MYO16: variants seen among roughly 807,000 people sequenced by gnomAD.
MYO16 encodes the protein myosin XVI.
Under a neutral mutation model 205.3 loss-of-function variants are expected in MYO16, and 94 were observed. That is an observed-to-expected ratio of 0.46 (90% CI 0.39 to 0.54). The LOEUF is 0.54. Ranked by LOEUF, MYO16 falls within the 20% of genes least tolerant of loss-of-function variation. The probability of loss-of-function intolerance (pLI) is 0.00; values close to 1 mark genes in which losing one functional copy is unlikely to be tolerated. For missense variants in MYO16, 2,315 were observed against 2,387.5 expected (o/e 0.97, Z 0.63); for synonymous variants, 988 against 954.0 (o/e 1.04, Z -0.66).
chr13:108,565,666 TTA>T, the MYO16 span, among the ~76,000 whole-genome samples: 1 of 152,202 alleles, frequency 6.6e-6, no homozygotes, highest in Non-Finnish European at 1.5e-5. Flanking sequence ...TTGATACGCT[TTA>T]TATCTTTTCT....
At chr13:108,936,445 A>G (rs181980438) in intron 16 of MYO16, among the ~76,000 whole-genome samples, 4 of 152,014 alleles carry the variant, frequency 2.6e-5, no homozygotes, top group Admixed American at 2.6e-4. Context: ...CCCTGATTCA[A>G]TGTTGGGTGA....
chr13:109,187,779 T>A (rs1879746299), intron 34 of MYO16, among the ~76,000 whole-genome samples: 1 of 152,234 alleles, frequency 6.6e-6, no homozygotes, highest in African/African-American at 2.4e-5. Flanking sequence ...GGATATGACC[T>A]GTCTGGCTGA....
At chr13:108,795,112 A>T (rs1382323105) in intron 6 of MYO16, among the ~76,000 whole-genome samples, 1 of 150,842 alleles carries the variant, frequency 6.6e-6, no homozygotes, top group African/African-American at 2.5e-5. Flanking sequence ...ATTTATAAAT[A>T]TTTATTCTGG....
At chr13:108,600,423 A>G (rs931073772) in intron 1 of MYO16, among the ~76,000 whole-genome samples, 2 of 152,226 alleles carry the variant, frequency 1.3e-5, no homozygotes, top group African/African-American at 4.8e-5. Context: ...CATAGTGTCC[A>G]GTACCTTGTG....
At chr13:109,117,852 A>G (rs1594100700) in intron 28 of MYO16, among the ~76,000 whole-genome samples, 1 of 151,974 alleles carries the variant, frequency 6.6e-6, no homozygotes, top group Non-Finnish European at 1.5e-5. Context: ...TTCAAGAAAT[A>G]TTTTTTTTAA....
chr13:109,079,329 G>A (rs1888210693), intron 27 of MYO16, among the ~76,000 whole-genome samples: 1 of 151,938 alleles, frequency 6.6e-6, no homozygotes, highest in East Asian at 1.9e-4. Flanking sequence ...GCTCCATCAT[G>A]GCTGCAAGCA....
chr13:109,159,671 G>C (rs762691242), intron 32 of MYO16, among the ~76,000 whole-genome samples: 1 of 152,194 alleles, frequency 6.6e-6, no homozygotes, highest in Admixed American at 6.5e-5. Context: ...ACTAAAGCAA[G>C]GAGTGGGGAC....
rs72652120 is a variant in MYO16 at position 108,793,937 on chromosome 13, C to T, written c.741+297C>T. On this transcript the variant is annotated intron_variant, in intron 6 of 34. Transcript: ENST00000457511. ...AAGACATGGAATCAACCTAGATGTC[C>T]GTCAAGGTGGACGGGATAAAGAAAA... is the stretch of plus-strand genomic sequence containing the variant. Among the ~76,000 whole-genome samples the T allele has an allele frequency of 3.9e-3, 600 of 152,204 alleles. 1 individual carries two copies. The highest frequency in any genetic ancestry group is 5.6e-3 in the Non-Finnish European group (379 of 68,010).
In MYO16 at chr13:109,127,140, T is replaced by TAGC; in HGVS notation, c.3783-142_3783-141insAGC. Reference sequence around the variant, plus strand: ...CTGGACCAACTGGTCACCAGAGGGCTGCACACGTCCTCCAGCCACAGCAGG... The same window carrying TAGC: ...CTGGACCAACTGGTCACCAGAGGGCTAGCGCACACGTCCTCCAGCCACAGCAGG... On this transcript the variant is annotated intron_variant, in intron 30 of 34. Transcript: ENST00000457511. This position sits in a 1 kb window ranked among gnomAD's most constrained non-coding sequence, Gnocchi z 4.2. 8.8e-7 allele frequency: 1 copy of TAGC among 1,135,240 alleles called. No homozygotes were observed. The highest frequency in any genetic ancestry group is 1.6e-5 in the African/African-American group (1 of 64,008). The allele number at this position is 1,135,240 out of a possible 1,614,324, so 70.3% of individuals were successfully genotyped here. A position where few individuals can be genotyped will look rare whatever the true frequency, so the allele number is the denominator to read the frequency against.
intron 31 of MYO16, among the ~76,000 whole-genome samples, chr13:109,131,205 G>T (rs559989993): frequency 9.2e-5 from 14 of 152,318 alleles, no homozygotes; most frequent in African/African-American, 3.4e-4. Context: ...TCAAGTTCAA[G>T]TTCTTTTCCT....
chr13:109,068,747 A>C (rs182323312), intron 27 of MYO16, among the ~76,000 whole-genome samples: 13 of 152,148 alleles, frequency 8.5e-5, no homozygotes, highest in Non-Finnish European at 1.6e-4. Context: ...ATGTGCCACC[A>C]TGCTCAGCTA....
chr13:108,785,095 T>C (rs1886417861), intron 4 of MYO16, among the ~76,000 whole-genome samples: 1 of 152,114 alleles, frequency 6.6e-6, no homozygotes, highest in Admixed American at 6.5e-5. Context: ...AGATAGTTGC[T>C]GGAAAGAGAA....
intron 4 of MYO16, among the ~76,000 whole-genome samples, chr13:108,736,413 T>C (rs1179217280): frequency 6.6e-6 from 1 of 152,214 alleles, no homozygotes; most frequent in Non-Finnish European, 1.5e-5. Flanking sequence ...CCTTTCCCCA[T>C]TTCTTGTTTT....
At chr13:108,667,173 G>T (rs1400193921) in intron 2 of MYO16, among the ~76,000 whole-genome samples, 1 of 152,146 alleles carries the variant, frequency 6.6e-6, no homozygotes, top group African/African-American at 2.4e-5. Flanking sequence ...GCTTTCAAAT[G>T]GGGATTGTGG....
chr13:109,175,490 G>A (rs1879128059), intron 33 of MYO16, among the ~76,000 whole-genome samples: 1 of 152,188 alleles, frequency 6.6e-6, no homozygotes, highest in Non-Finnish European at 1.5e-5. Context: ...GCTATCTGGA[G>A]GGTAGAGTAG....
intron 10 of MYO16, among the ~76,000 whole-genome samples, chr13:108,853,091 G>A (rs1221518269): frequency 1.3e-5 from 2 of 152,224 alleles, no homozygotes; most frequent in Non-Finnish European, 2.9e-5. Flanking sequence ...CCTGGATCAA[G>A]ACCACCAGTT....
chr13:108,803,353 ATCTTT>A (rs1887021275), intron 6 of MYO16, among the ~76,000 whole-genome samples: 2 of 152,226 alleles, frequency 1.3e-5, no homozygotes, highest in Admixed American at 1.3e-4. Flanking sequence ...TATTAGAACT[ATCTTT>A]TATTTGGGAA....
chr13:108,534,891 TTTC>T, the MYO16 span, among the ~76,000 whole-genome samples: 6 of 149,632 alleles, frequency 4.0e-5, no homozygotes, highest in Middle Eastern at 3.2e-3. Flanking sequence ...TCTTCTCCTC[TTTC>T]TTCTTCTCCT....
intron 23 of MYO16, among the ~76,000 whole-genome samples, chr13:109,036,240 C>A (rs896809516): frequency 2.6e-5 from 4 of 152,100 alleles, no homozygotes; most frequent in Admixed American, 2.6e-4. Flanking sequence ...ATTTCTGTGG[C>A]GTTCTCTTGC....
Sources: gnomAD v4.1 joint callset for allele counts (sites outside exome capture counted in the v4.1 genomes callset) on GRCh38, gnomAD v4.1.1 for gene constraint, Gnocchi (gnomAD v3.1) non-coding constraint, MANE v1.5 for transcripts, NCBI Gene and HGNC (gene_info 2026-07-23, HGNC 2026-07-21) for gene names.